DYM: variants seen among roughly 807,000 people sequenced by gnomAD.
DYM encodes dymeclin, also known as dyggve-Melchior-Clausen syndrome protein.
Under a neutral mutation model 93.1 loss-of-function variants are expected in DYM, and 78 were observed. The ratio of observed to expected loss-of-function variants is 0.84; its 90% CI spans 0.70 to 1.01. DYM has a LOEUF of 1.01. Among genes scored for constraint, DYM ranks in the 50% least tolerant of loss-of-function variants. The probability of loss-of-function intolerance (pLI) is 0.00; values close to 1 mark genes in which losing one functional copy is unlikely to be tolerated. For missense variants in DYM, 789 were observed against 845.0 expected, an observed-to-expected ratio of 0.93 and a Z score of 0.82; for synonymous variants, 321 against 319.7, an observed-to-expected ratio of 1.00 and a Z score of -0.04.
In DYM at chr18:49,209,589, A is replaced by G; in HGVS notation, c.1587T>C (p.Ser529=). 2 of 1,289,788 alleles carry G rather than the reference A, an allele frequency of 1.6e-6. No homozygotes were observed. The allele number at this position is 1,289,788 out of a possible 1,614,324, so 79.9% of individuals were successfully genotyped here. A position where few individuals can be genotyped will look rare whatever the true frequency, so the allele number is the denominator to read the frequency against. The change falls in exon 14 of 18, where the codon TCT becomes TCC. Residue 529 remains serine, a synonymous_variant. Coordinates refer to ENST00000675505, the MANE Select transcript of DYM (RefSeq NM_001353214.3). ...ATCTGAGAATGTGAGAGCAAGTTAA[A>G]GACAAGAGTTCCTCTCCATTGTCAC... is the stretch of plus-strand genomic sequence containing the variant. The part of the protein sequence containing the change: ...TLSDNGEELL[S]LTCSHILRSY...
At chr18:49,448,508 A>G (rs2082281308) in intron 1 of DYM, among the ~76,000 whole-genome samples, 1 of 152,246 alleles carries the variant, frequency 6.6e-6, no homozygotes, top group Admixed American at 6.5e-5. Context: ...AATCACAGGC[A>G]GAGGACTACA....
intron 15 of DYM, among the ~76,000 whole-genome samples, chr18:49,148,045 G>A (rs1294531764): frequency 6.6e-6 from 1 of 152,162 alleles, no homozygotes; most frequent in African/African-American, 2.4e-5. Context: ...CTTTTGTAGG[G>A]ACATGGATGA....
intron 14 of DYM, among the ~76,000 whole-genome samples, chr18:49,192,900 G>A (rs1011066392): frequency 6.6e-6 from 1 of 152,096 alleles, no homozygotes; most frequent in Non-Finnish European, 1.5e-5. Flanking sequence ...AGCGGCCAAG[G>A]GGGTAGCGGG....
chr18:49,331,886 A>T lies in DYM; in HGVS notation c.741T>A (p.Tyr247Ter). 1 of 1,614,180 alleles carries T rather than the reference A, an allele frequency of 6.2e-7. No homozygotes were observed. The highest frequency in any genetic ancestry group is 8.5e-7 in the Non-Finnish European group (1 of 1,180,014). ...PQQSDGGGLLYGLASGVATGL... is the reference protein window; with the variant it reads ...PQQSDGGGLL The stretch of plus-strand genomic sequence containing the variant: ...TACTTGCTACTCCTGATGCAAGTCC[A>T]TAAAGCAGTCCTCCCCCATCCGACT... Residue 247 changes from tyrosine (Y) to a stop codon, truncating the protein, a stop_gained, in exon 8 of 18, where the codon TAT becomes TAA. Transcript: ENST00000675505. LOFTEE classifies it high-confidence loss of function.
intron 15 of DYM, among the ~76,000 whole-genome samples, chr18:49,155,921 A>T (rs770157925): frequency 2.8e-4 from 42 of 152,218 alleles, no homozygotes; most frequent in Non-Finnish European, 4.6e-4. Flanking sequence ...TTGTATGTAA[A>T]CCCAGAAATG....
In DYM at chr18:49,042,731, A is replaced by G. The variant is rs1222684095; in HGVS notation, c.*1324T>C. Reference sequence around the variant, plus strand: ...GAATGAAACTAGGCTCCTTATCTAGACTGTGAAGGGGCCCGTGAGGACACA... The same window carrying G: ...GAATGAAACTAGGCTCCTTATCTAGGCTGTGAAGGGGCCCGTGAGGACACA... On this transcript the variant is annotated 3_prime_UTR_variant, in exon 18 of 18. Coordinates refer to ENST00000675505, the MANE Select transcript of DYM (RefSeq NM_001353214.3). 1 of 152,180 alleles carries G rather than the reference A, an allele frequency of 6.6e-6. No homozygotes were observed. The highest frequency in any genetic ancestry group is 1.5e-5 in the Non-Finnish European group (1 of 68,036). 9.4% of individuals were successfully genotyped at this position (152,180 alleles called of 1,614,324 possible). A position where few individuals can be genotyped will look rare whatever the true frequency, so the allele number is the denominator to read the frequency against.
At chr18:49,444,339 C>G (rs1224828515) in intron 1 of DYM, among the ~76,000 whole-genome samples, 2 of 152,166 alleles carry the variant, frequency 1.3e-5, no homozygotes, top group Non-Finnish European at 2.9e-5. Context: ...AAGCTCCAGG[C>G]TGAGACAAAT....
intron 1 of DYM, among the ~76,000 whole-genome samples, chr18:49,441,471 C>T (rs1027633471): frequency 6.9e-6 from 1 of 144,336 alleles, no homozygotes. Context: ...GCAATAATCA[C>T]CAGCCAAAGG....
At chr18:49,445,375 C>A (rs552803043) in intron 1 of DYM, among the ~76,000 whole-genome samples, 3 of 152,068 alleles carry the variant, frequency 2.0e-5, no homozygotes, top group African/African-American at 7.2e-5. Context: ...AGAAACCATT[C>A]TCTTTTAACC....
At chr18:49,188,631 T>A (rs535996704) in intron 14 of DYM, among the ~76,000 whole-genome samples, 1 of 151,930 alleles carries the variant, frequency 6.6e-6, no homozygotes, top group Non-Finnish European at 1.5e-5. Context: ...TAGGTGGGAA[T>A]TGAACAATGA....
chr18:49,244,736 G>A (rs190647112), intron 13 of DYM, among the ~76,000 whole-genome samples: 4 of 152,310 alleles, frequency 2.6e-5, no homozygotes, highest in Admixed American at 2.6e-4. Context: ...AAACAAGGTA[G>A]TCTATAGGCA....
chr18:49,339,175 G>T (rs1391307445), intron 6 of DYM, among the ~76,000 whole-genome samples: 1 of 152,176 alleles, frequency 6.6e-6, no homozygotes, highest in African/African-American at 2.4e-5. Flanking sequence ...CTCTGCTGAT[G>T]GGAATACTAA....
At chr18:49,087,032 C>T (rs1257561580) in intron 17 of DYM, among the ~76,000 whole-genome samples, 1 of 151,612 alleles carries the variant, frequency 6.6e-6, no homozygotes, top group East Asian at 1.9e-4. Flanking sequence ...AAAGAGACTC[C>T]AGAAAGCTCC....
chr18:49,361,908 T>C (rs1330205847), intron 6 of DYM, among the ~76,000 whole-genome samples: 1 of 152,064 alleles, frequency 6.6e-6, no homozygotes, highest in Non-Finnish European at 1.5e-5. Context: ...GTATTTTTAG[T>C]AGAAACGGGG....
chr18:49,056,640 C>T (rs1247751259), intron 17 of DYM, among the ~76,000 whole-genome samples: 2 of 152,020 alleles, frequency 1.3e-5, no homozygotes, highest in African/African-American at 2.4e-5. Context: ...CAGGCTCAAG[C>T]GATCCTCCCA....
At chr18:49,220,260 C>G (rs1292635667) in intron 13 of DYM, among the ~76,000 whole-genome samples, 1 of 149,996 alleles carries the variant, frequency 6.7e-6, no homozygotes, top group Non-Finnish European at 1.5e-5. Context: ...AAAGAGGATA[C>G]AAACAAATGG....
intron 14 of DYM, among the ~76,000 whole-genome samples, chr18:49,183,876 T>C (rs2145536624): frequency 6.6e-6 from 1 of 152,236 alleles, no homozygotes; most frequent in South Asian, 2.1e-4. Context: ...AGTGTCTCCA[T>C]ACAAAGAGAC....
chr18:49,047,957 G>A (rs186806286), intron 17 of DYM, among the ~76,000 whole-genome samples: 77 of 152,330 alleles, frequency 5.1e-4, no homozygotes, highest in African/African-American at 1.8e-3. Context: ...CCCATGAAGA[G>A]AAGGTAACTC....
rs1599274117 is a variant in DYM, at chr18:49,038,188, T to C, written c.*5867A>G. On this transcript the variant is annotated 3_prime_UTR_variant, in exon 18 of 18. Coordinates refer to ENST00000675505, the MANE Select transcript of DYM (RefSeq NM_001353214.3). ...CCATTTGTGTTTGAAAAGTATGTTA[T>C]TGAGTTTGGTGTCCTACATACATCC... Among the ~76,000 whole-genome samples, 2 of 152,194 alleles carry C rather than the reference T, an allele frequency of 1.3e-5. No homozygotes were observed. Among genetic ancestry groups the C allele is most frequent in the African/African-American group, 2.4e-5 (1 of 41,438 alleles).
Sources: allele counts gnomAD v4.1 joint callset (sites outside exome capture counted in the v4.1 genomes callset), GRCh38; gene constraint gnomAD v4.1.1; transcripts MANE v1.5; gene names NCBI Gene and HGNC (gene_info 2026-07-23, HGNC 2026-07-21).